TAFA5: variants seen among roughly 807,000 people sequenced by gnomAD.
The protein encoded by TAFA5 is TAFA chemokine like family member 5.
Under a neutral mutation model 15.3 loss-of-function variants are expected in TAFA5, and 6 were observed. That is an observed-to-expected ratio of 0.39 (90% CI 0.21 to 0.77). The LOEUF is 0.77. Among genes scored for constraint, TAFA5 ranks in the 30% least tolerant of loss-of-function variants. The pLI, the probability that TAFA5 is intolerant of heterozygous loss-of-function variation, is 0.41. For synonymous variants in TAFA5, 103 were observed against 80.7 expected, an observed-to-expected ratio of 1.28 and a Z score of -1.48; for missense variants, 161 against 193.1, an observed-to-expected ratio of 0.83 and a Z score of 0.98.
intron 2 of TAFA5, among the ~76,000 whole-genome samples, chr22:48,670,183 A>G (rs774035146): frequency 9.8e-5 from 15 of 152,362 alleles, no homozygotes; most frequent in Non-Finnish European, 1.9e-4. Flanking sequence ...ACTGCCCCTC[A>G]TTCTGTAATC....
chr22:48,502,401 C>A (rs551214627), intron 1 of TAFA5, among the ~76,000 whole-genome samples: 1 of 120,444 alleles, frequency 8.3e-6, no homozygotes, highest in Non-Finnish European at 1.6e-5. Flanking sequence ...TGCTGCATTT[C>A]TGGGGGAGCT....
chr22:48,545,048 G>A (rs1569020402), intron 1 of TAFA5: 1 of 366,442 alleles, frequency 2.7e-6, no homozygotes, highest in South Asian at 2.0e-5. Context: ...CAGGCGGAAG[G>A]ACTCTCAGGG....
chr22:48,539,632 G>A (rs557666289), intron 1 of TAFA5, among the ~76,000 whole-genome samples: 2 of 152,320 alleles, frequency 1.3e-5, no homozygotes, highest in African/African-American at 4.8e-5. Context: ...GCTACAGCCA[G>A]GTCGGTGCCA....
At chr22:48,686,568 C>G (rs1266271769) in intron 2 of TAFA5, among the ~76,000 whole-genome samples, 2 of 152,208 alleles carry the variant, frequency 1.3e-5, no homozygotes, top group Non-Finnish European at 2.9e-5. Context: ...CACAGAAGTT[C>G]AAACCATAGA....
At chr22:48,518,025 C>G (rs373511166) in intron 1 of TAFA5, among the ~76,000 whole-genome samples, 1 of 152,194 alleles carries the variant, frequency 6.6e-6, no homozygotes, top group Non-Finnish European at 1.5e-5. Context: ...GAACGCTGGC[C>G]GTGGTCACAG....
At chr22:48,668,771 G>C (rs968905346) in intron 2 of TAFA5, among the ~76,000 whole-genome samples, 1 of 152,206 alleles carries the variant, frequency 6.6e-6, no homozygotes, top group African/African-American at 2.4e-5. Context: ...TAGTCCCCCA[G>C]CACTCAGGGC....
chr22:48,534,897 C>G (rs909026850), intron 1 of TAFA5, among the ~76,000 whole-genome samples: 1 of 152,156 alleles, frequency 6.6e-6, no homozygotes, highest in African/African-American at 2.4e-5. Context: ...CATTGTTTGT[C>G]TTGGGGGTCC....
At chr22:48,632,892 A>AG (rs1926284172) in intron 1 of TAFA5, among the ~76,000 whole-genome samples, 1 of 152,128 alleles carries the variant, frequency 6.6e-6, no homozygotes, top group South Asian at 2.1e-4. Flanking sequence ...TGGCAGGCAT[A>AG]GACTACAACA....
chr22:48,633,233 A>T (rs1012272065), intron 1 of TAFA5, among the ~76,000 whole-genome samples: 1 of 152,174 alleles, frequency 6.6e-6, no homozygotes, highest in African/African-American at 2.4e-5. Flanking sequence ...CAGTGAAGGG[A>T]TGAGGAGGGC....
chr22:48,535,023 G>A (rs758259252), intron 1 of TAFA5, among the ~76,000 whole-genome samples: 25 of 152,090 alleles, frequency 1.6e-4, no homozygotes, highest in East Asian at 5.8e-4. Context: ...CCCAGCCAGC[G>A]AACAGGGAAC....
chr22:48,708,010 AATTC>A (rs1929136443), intron 3 of TAFA5, among the ~76,000 whole-genome samples, 166 bp downstream of exon 3: 1 of 76,208 alleles, frequency 1.3e-5, no homozygotes, highest in Non-Finnish European at 3.0e-5. Flanking sequence ...TCTGGTGCTA[AATTC>A]CTGACCATCT....
At position 48,719,444 on chromosome 22, in the gene TAFA5, T is replaced by G. The variant is rs1023754678; in HGVS notation, c.390+11600T>G. ...GAGGGAGGCTGAGCTCAGGAAGAGGTGGCTGCGATGGCCAGGGGAGAGGAA... is the reference window on the plus strand; with the variant it reads ...GAGGGAGGCTGAGCTCAGGAAGAGGGGGCTGCGATGGCCAGGGGAGAGGAA... On this transcript the variant is annotated intron_variant, in intron 3 of 3. Transcript: ENST00000402357. Among the ~76,000 whole-genome samples the G allele has an allele frequency of 1.4e-4, 22 of 152,186 alleles. No homozygotes were observed. The South Asian group carries it at 1.5e-3, about 10-fold the overall frequency.
intron 3 of TAFA5, among the ~76,000 whole-genome samples, chr22:48,712,577 A>G (rs951384526): frequency 6.6e-6 from 1 of 152,226 alleles, no homozygotes; most frequent in African/African-American, 2.4e-5. Flanking sequence ...AAGGCTGGAA[A>G]TCCGCATCCT....
chr22:48,603,366 C>T (rs1029030921), intron 1 of TAFA5, among the ~76,000 whole-genome samples: 4 of 152,366 alleles, frequency 2.6e-5, no homozygotes, highest in East Asian at 1.9e-4. Context: ...CCACGCAGTG[C>T]GGCCACGGCA....
chr22:48,718,488 C>T lies in TAFA5; in HGVS notation c.390+10644C>T, dbSNP rs368574742. ...GGAGGGAGGACATGGGCCTGGCAGA[C>T]CTGTGTGGGCGCCATCCTCCCGTGC... is the stretch of plus-strand genomic sequence containing the variant. On this transcript the variant is annotated intron_variant, in intron 3 of 3. Coordinates refer to ENST00000402357, the MANE Select transcript of TAFA5 (RefSeq NM_001082967.3). Among the ~76,000 whole-genome samples, 6 of 152,222 alleles carry T rather than the reference C, an allele frequency of 3.9e-5. 1 individual carries two copies. In the South Asian group the frequency reaches 1.0e-3, roughly 26 times the overall value.
intron 1 of TAFA5, among the ~76,000 whole-genome samples, chr22:48,535,350 T>C (rs1393140482): frequency 6.6e-6 from 1 of 152,028 alleles, no homozygotes; most frequent in Non-Finnish European, 1.5e-5. Context: ...TGCACAGGAG[T>C]GCGTCAACAG....
intron 1 of TAFA5, among the ~76,000 whole-genome samples, chr22:48,609,602 T>C (rs888991345): frequency 2.0e-5 from 3 of 152,176 alleles, no homozygotes; most frequent in African/African-American, 4.8e-5. Flanking sequence ...CCGTTTCTCC[T>C]GCAAAAGAAC....
intron 1 of TAFA5, among the ~76,000 whole-genome samples, chr22:48,531,808 G>T: frequency 6.6e-6 from 1 of 152,168 alleles, no homozygotes; most frequent in South Asian, 2.1e-4. Flanking sequence ...CTGGGAGGCT[G>T]ACCCTGGAGG....
intron 3 of TAFA5, 137 bp downstream of exon 3, chr22:48,707,981 C>A: frequency 8.6e-7 from 1 of 1,167,170 alleles, no homozygotes; most frequent in Non-Finnish European, 1.2e-6. Context: ...AGGGCCCTGT[C>A]TCCTCCCCCA....
Sources: allele counts gnomAD v4.1 joint callset (sites outside exome capture counted in the v4.1 genomes callset), GRCh38; gene constraint gnomAD v4.1.1; transcripts MANE v1.5; gene names NCBI Gene and HGNC (gene_info 2026-07-23, HGNC 2026-07-21).